Variants in CDH13 observed in about 807,000 individuals in gnomAD.
CDH13 encodes cadherin-13.
A neutral mutation model predicts 63.8 loss-of-function variants in CDH13; 24 were observed. That is an observed-to-expected ratio of 0.38 (90% CI 0.27 to 0.53). CDH13 has a LOEUF of 0.53. Ranked by LOEUF, CDH13 falls within the 20% of genes least tolerant of loss-of-function variation. The pLI is 0.85. For synonymous variants in CDH13, 503 were observed against 355.3 expected, an observed-to-expected ratio of 1.42 and a Z score of -4.67; for missense variants, 1,049 against 903.1, an observed-to-expected ratio of 1.16 and a Z score of -2.07.
Position 83,738,328 on chromosome 16 carries a change from T to A in CDH13, c.1539-9780T>A, listed in dbSNP as rs78523249. Reference sequence around the variant, plus strand: ...TGAGCGAGTGAACAGTACGTCACATTAAAAACGTGTGTGTTTATGTATACA... The same window carrying A: ...TGAGCGAGTGAACAGTACGTCACATAAAAAACGTGTGTGTTTATGTATACA... On this transcript the variant is annotated intron_variant, in intron 10 of 13. Coordinates refer to ENST00000567109, the MANE Select transcript of CDH13 (RefSeq NM_001257.5). 9.3e-3 allele frequency among the ~76,000 whole-genome samples: 1,420 copies of A among 152,328 alleles called. 64 individuals are homozygous for A. Among genetic ancestry groups the A allele is most frequent in the Admixed American group, 0.068 (1,038 of 15,306 alleles).
At chr16:83,734,422 C>T (rs1047271165) in intron 10 of CDH13, among the ~76,000 whole-genome samples, 1 of 152,018 alleles carries the variant, frequency 6.6e-6, no homozygotes, top group Non-Finnish European at 1.5e-5. Context: ...GAAATGTAAC[C>T]GTGTTTGGGA....
intron 6 of CDH13, among the ~76,000 whole-genome samples, chr16:83,413,539 C>T (rs2092157468): frequency 6.6e-6 from 1 of 152,048 alleles, no homozygotes; most frequent in Admixed American, 6.6e-5. Flanking sequence ...AACTAGAGAT[C>T]GGGGTGTAGC....
chr16:83,782,456 C>G (rs775053565), intron 12 of CDH13, among the ~76,000 whole-genome samples: 1 of 152,118 alleles, frequency 6.6e-6, no homozygotes, highest in Non-Finnish European at 1.5e-5. Context: ...AAAAACAAGG[C>G]TGGACTCAGT....
chr16:83,004,102 G>C (rs1597390998), intron 2 of CDH13, among the ~76,000 whole-genome samples: 1 of 152,192 alleles, frequency 6.6e-6, no homozygotes, highest in Admixed American at 6.5e-5. Context: ...AAATTTTCTT[G>C]GGTTAATGAA....
At chr16:83,323,350 A>G (rs572060292) in intron 5 of CDH13, among the ~76,000 whole-genome samples, 93 of 147,220 alleles carry the variant, frequency 6.3e-4, no homozygotes, top group African/African-American at 2.2e-3. Context: ...ATCTTAGTTC[A>G]CTGCAAGCTC....
intron 6 of CDH13, among the ~76,000 whole-genome samples, chr16:83,458,725 G>C (rs571810883): frequency 3.3e-5 from 5 of 152,090 alleles, no homozygotes; most frequent in African/African-American, 1.2e-4. Flanking sequence ...TTTTCATACT[G>C]ACACTTCTCA....
intron 1 of CDH13, among the ~76,000 whole-genome samples, chr16:82,839,307 A>T (rs1422031415): frequency 1.3e-5 from 2 of 152,092 alleles, no homozygotes; most frequent in African/African-American, 4.8e-5. Context: ...AAGGTGCCCC[A>T]TTATTACTGG....
intron 1 of CDH13, among the ~76,000 whole-genome samples, chr16:82,761,046 T>G (rs1369913308): frequency 1.9e-5 from 2 of 107,364 alleles, no homozygotes; most frequent in Non-Finnish European, 3.7e-5. Context: ...TTTTTTTTTT[T>G]GGAGTCTCAC....
At chr16:83,594,969 C>A (rs79142323) in intron 7 of CDH13, among the ~76,000 whole-genome samples, 1 of 152,116 alleles carries the variant, frequency 6.6e-6, no homozygotes, top group Non-Finnish European at 1.5e-5. Context: ...GCAGACATAC[C>A]ATCTTGCTTT....
At chr16:83,688,126 C>G (rs1773073315) in intron 10 of CDH13, among the ~76,000 whole-genome samples, 1 of 152,212 alleles carries the variant, frequency 6.6e-6, no homozygotes, top group South Asian at 2.1e-4. Context: ...TCCCATGATT[C>G]ATCAAGTCCT....
chr16:82,706,152 C>T (rs186901535), intron 1 of CDH13, among the ~76,000 whole-genome samples: 38 of 152,130 alleles, frequency 2.5e-4, no homozygotes, highest in Admixed American at 1.9e-3. Context: ...TTCTTTCCGC[C>T]TCCCTTCTCC....
intron 2 of CDH13, among the ~76,000 whole-genome samples, chr16:82,983,901 G>A (rs1029334560): frequency 6.6e-6 from 1 of 152,150 alleles, no homozygotes. Context: ...TCTAGGAAGC[G>A]GGAATAATTT....
At chr16:82,982,329 T>C (rs1910379192) in intron 2 of CDH13, among the ~76,000 whole-genome samples, 3 of 152,206 alleles carry the variant, frequency 2.0e-5, no homozygotes, top group African/African-American at 7.2e-5. Context: ...ATTCTGCTTT[T>C]AGAACTGTAT....
At chr16:83,359,221 A>G (rs550371433) in intron 6 of CDH13, among the ~76,000 whole-genome samples, 6 of 152,278 alleles carry the variant, frequency 3.9e-5, no homozygotes, top group Admixed American at 3.9e-4. Flanking sequence ...TCTGGTTTTC[A>G]GCTATGTTTC....
chr16:83,191,505 A>ATATATATATG (rs1491422081), intron 4 of CDH13, among the ~76,000 whole-genome samples: 5 of 73,976 alleles, frequency 6.8e-5, no homozygotes, highest in South Asian at 8.4e-4. Flanking sequence ...ATATATATAT[A>ATATATATATG]CACACACACA....
chr16:83,748,395 C>A, intron 11 of CDH13, 145 bp downstream of exon 11: 1 of 698,348 alleles, frequency 1.4e-6, no homozygotes, highest in Non-Finnish European at 2.3e-6. Context: ...TTTAAATATA[C>A]ACATGTTGAG....
At chr16:83,439,675 A>G (rs567678375) in intron 6 of CDH13, among the ~76,000 whole-genome samples, 1 of 152,182 alleles carries the variant, frequency 6.6e-6, no homozygotes, top group African/African-American at 2.4e-5. Flanking sequence ...TAATTACGGA[A>G]TGGCCTTCTT....
intron 5 of CDH13, among the ~76,000 whole-genome samples, chr16:83,227,019 C>G (rs2039860745): frequency 6.6e-6 from 1 of 152,340 alleles, no homozygotes; most frequent in Admixed American, 6.5e-5. Context: ...GGGATACGGA[C>G]AGGTTGTCCT....
chr16:83,033,052 G>T (rs1398787691), intron 3 of CDH13, among the ~76,000 whole-genome samples: 1 of 152,226 alleles, frequency 6.6e-6, no homozygotes, highest in East Asian at 1.9e-4. Flanking sequence ...GTACATGTAT[G>T]TGTATACCAT....
Sources: gnomAD v4.1 joint callset for allele counts (sites outside exome capture counted in the v4.1 genomes callset) on GRCh38, gnomAD v4.1.1 for gene constraint, MANE v1.5 for transcripts, NCBI Gene and HGNC (gene_info 2026-07-23, HGNC 2026-07-21) for gene names.